The following CALN1 variants were observed in gnomAD, a reference collection of about 807,000 sequenced individuals.
CALN1 encodes the protein calneuron 1.
A neutral mutation model predicts 30.6 loss-of-function variants in CALN1; 17 were observed. That is an observed-to-expected ratio of 0.56 (90% CI 0.38 to 0.83). The LOEUF is 0.83. Among genes scored for constraint, CALN1 ranks in the 40% least tolerant of loss-of-function variants. The pLI is 0.00. For missense variants in CALN1, 291 were observed against 354.9 expected, an observed-to-expected ratio of 0.82 and a Z score of 1.45; for synonymous variants, 156 against 131.4, an observed-to-expected ratio of 1.19 and a Z score of -1.28.
chr7:72,389,934 A>G (rs941741615), intron 2 of CALN1, among the ~76,000 whole-genome samples: 1 of 151,360 alleles, frequency 6.6e-6, no homozygotes, highest in Admixed American at 6.6e-5. Context: ...ATCTAAAAAA[A>G]AAAAAGAAGA....
Position 71,903,076 on chromosome 7 carries a change from A to G in CALN1, c.502-92584T>C, listed in dbSNP as rs567048610. 1.8e-3 allele frequency among the ~76,000 whole-genome samples: 269 copies of G among 152,090 alleles called. 1 individual carries two copies. Among genetic ancestry groups the G allele is most frequent in the African/African-American group, 6.2e-3 (256 of 41,518 alleles). On this transcript the variant is annotated intron_variant, in intron 5 of 6. Coordinates refer to ENST00000395275, the MANE Select transcript of CALN1 (RefSeq NM_031468.4). Reference sequence around the variant, plus strand: ...ACTTTTTTTTAAAAAAAGTAAAAAAATTACTTAACGGGTACAATATACTCT... The same window carrying G: ...ACTTTTTTTTAAAAAAAGTAAAAAAGTTACTTAACGGGTACAATATACTCT...
intron 4 of CALN1, among the ~76,000 whole-genome samples, chr7:72,049,126 A>G (rs894125320): frequency 2.6e-5 from 4 of 152,126 alleles, no homozygotes; most frequent in African/African-American, 9.7e-5. Flanking sequence ...ATGATATCAT[A>G]TTACCTGGTG....
chr7:72,074,273 T>C (rs1206034859), intron 4 of CALN1, among the ~76,000 whole-genome samples: 5 of 152,068 alleles, frequency 3.3e-5, no homozygotes, highest in Non-Finnish European at 7.4e-5. Flanking sequence ...TGAACGAAAA[T>C]GTTTCCAGAG....
At chr7:71,888,064 G>A (rs1376738511) in intron 5 of CALN1, among the ~76,000 whole-genome samples, 1 of 152,034 alleles carries the variant, frequency 6.6e-6, no homozygotes, top group Non-Finnish European at 1.5e-5. Context: ...AGAGCTGCGA[G>A]GATCATAGGG....
In CALN1 at chr7:71,784,027, C is replaced by T. The variant is rs563775544; in HGVS notation, c.*3748G>A. On this transcript the variant is annotated 3_prime_UTR_variant, in exon 7 of 7. Transcript: ENST00000395275. ...AGTTCACCAAAGTTCACGTGTTTGG[C>T]TTGCAGGAGTGTGCTCAACAGGCAA... The T allele has an allele frequency of 6.6e-6, 1 of 152,300 alleles. No homozygotes were observed. The highest frequency in any genetic ancestry group is 1.9e-4 in the East Asian group (1 of 5,172). 9.4% of individuals were successfully genotyped at this position (152,300 alleles called of 1,614,324 possible).
At chr7:72,119,362 T>C (rs929174273) in intron 3 of CALN1, among the ~76,000 whole-genome samples, 1 of 152,040 alleles carries the variant, frequency 6.6e-6, no homozygotes, top group African/African-American at 2.4e-5. Context: ...TCATGAGGCA[T>C]ATTAACTATC....
chr7:71,900,025 A>C (rs1287342391), intron 5 of CALN1, among the ~76,000 whole-genome samples: 2 of 152,210 alleles, frequency 1.3e-5, no homozygotes, highest in African/African-American at 4.8e-5. Context: ...ATAAAATAAA[A>C]ACTTGCTAGA....
intron 3 of CALN1, among the ~76,000 whole-genome samples, chr7:72,238,161 A>G (rs937406613): frequency 6.6e-6 from 1 of 152,204 alleles, no homozygotes; most frequent in Non-Finnish European, 1.5e-5. Context: ...CTCAGGAATA[A>G]TACTCTTAAA....
At chr7:72,386,488 G>A (rs1378167689) in intron 2 of CALN1, among the ~76,000 whole-genome samples, 2 of 152,194 alleles carry the variant, frequency 1.3e-5, no homozygotes, top group Non-Finnish European at 2.9e-5. Flanking sequence ...TACTGTACAT[G>A]TAAACTAGAC....
At chr7:72,403,472 T>A (rs1034731994) in intron 1 of CALN1, 30 bp from the exon 2 acceptor site, 18 of 856,698 alleles carry the variant, frequency 2.1e-5, no homozygotes, top group African/African-American at 3.4e-5. Flanking sequence ...ACTTACAGCC[T>A]GCACAGTGCT....
intron 3 of CALN1, among the ~76,000 whole-genome samples, chr7:72,153,932 T>G (rs1285055126): frequency 6.6e-6 from 1 of 152,072 alleles, no homozygotes; most frequent in Non-Finnish European, 1.5e-5. Context: ...GAGACTTTCA[T>G]TTTTCCAAGG....
chr7:72,260,425 T>G (rs578146630), intron 3 of CALN1, among the ~76,000 whole-genome samples: 2 of 152,288 alleles, frequency 1.3e-5, no homozygotes, highest in East Asian at 1.9e-4. Context: ...GCTCCACGGG[T>G]GCACAGACCC....
intron 3 of CALN1, among the ~76,000 whole-genome samples, chr7:72,129,897 TC>T (rs1281714842): frequency 6.6e-6 from 1 of 152,156 alleles, no homozygotes; most frequent in Non-Finnish European, 1.5e-5. Context: ...TGAAATTTTA[TC>T]CCCAGTGTGT....
intron 3 of CALN1, among the ~76,000 whole-genome samples, chr7:72,224,704 C>T (rs954518430): frequency 2.6e-5 from 4 of 151,576 alleles, no homozygotes; most frequent in African/African-American, 7.3e-5. Context: ...TCGCTTGAAC[C>T]CCGGAGGCAG....
intron 3 of CALN1, among the ~76,000 whole-genome samples, chr7:72,173,248 A>C (rs546045265): frequency 5.4e-4 from 82 of 152,146 alleles, no homozygotes; most frequent in Non-Finnish European, 1.0e-4. Flanking sequence ...GAATAAAACT[A>C]ATCAAAAGTT....
At position 71,787,638 on chromosome 7, in the gene CALN1, G is replaced by A. The variant is rs1442069863; in HGVS notation, c.*137C>T. 2 of 1,285,532 alleles carry A rather than the reference G, an allele frequency of 1.6e-6. No individual in the cohort carries two copies. The highest frequency in any genetic ancestry group is 3.0e-5 in the African/African-American group (2 of 67,582). 79.6% of individuals were successfully genotyped at this position (1,285,532 alleles called of 1,614,324 possible). A position where few individuals can be genotyped will look rare whatever the true frequency, so the allele number is the denominator to read the frequency against. On this transcript the variant is annotated 3_prime_UTR_variant, in exon 7 of 7. Coordinates refer to ENST00000395275, the MANE Select transcript of CALN1 (RefSeq NM_031468.4). ...CAACCCCAGTTGCACTCAACCTTGG[G>A]TTCTTTACTGAACGGTTCCATCGTC...
intron 1 of CALN1, among the ~76,000 whole-genome samples, chr7:72,427,860 T>C (rs1032319129): frequency 5.9e-5 from 9 of 152,140 alleles, no homozygotes; most frequent in Non-Finnish European, 1.3e-4. Context: ...GATCATTTTA[T>C]GTAGAATAAA....
At chr7:72,088,508 G>T (rs530339048) in intron 4 of CALN1, among the ~76,000 whole-genome samples, 3 of 152,042 alleles carry the variant, frequency 2.0e-5, no homozygotes, top group African/African-American at 7.2e-5. Flanking sequence ...AGACCAGCCT[G>T]GCCAACATGT....
chr7:72,302,930 G>A (rs1281391514), intron 2 of CALN1, among the ~76,000 whole-genome samples: 2 of 131,094 alleles, frequency 1.5e-5, no homozygotes, highest in South Asian at 2.8e-4. Flanking sequence ...AAAAGAATCC[G>A]GGCCTGGTGG....
Sources: allele counts gnomAD v4.1 joint callset (sites outside exome capture counted in the v4.1 genomes callset), GRCh38; gene constraint gnomAD v4.1.1; transcripts MANE v1.5; gene names NCBI Gene and HGNC (gene_info 2026-07-23, HGNC 2026-07-21).